Variants in RBFOX1 observed in about 807,000 individuals in gnomAD.
The protein encoded by RBFOX1 is RNA binding protein fox-1 homolog 1.
Under a neutral mutation model 57.7 loss-of-function variants are expected in RBFOX1, and 8 were observed. That is an observed-to-expected ratio of 0.14 (90% CI 0.08 to 0.25). RBFOX1 has a LOEUF of 0.25. Among genes scored for constraint, RBFOX1 ranks in the 10% least tolerant of loss-of-function variants. The pLI, the probability that RBFOX1 is intolerant of heterozygous loss-of-function variation, is 1.00. For missense variants in RBFOX1, 611 were observed against 548.5 expected, an observed-to-expected ratio of 1.11 and a Z score of -1.14; for synonymous variants, 326 against 222.4, an observed-to-expected ratio of 1.47 and a Z score of -4.15.
intron 3 of RBFOX1, among the ~76,000 whole-genome samples, chr16:6,870,272 C>A (rs75709994): frequency 6.6e-6 from 1 of 151,992 alleles, no homozygotes; most frequent in Non-Finnish European, 1.5e-5. Context: ...TCCCTTTGGT[C>A]GCTTGAAAAA....
chr16:7,329,971 C>G (rs2096663124), intron 4 of RBFOX1, among the ~76,000 whole-genome samples: 1 of 152,124 alleles, frequency 6.6e-6, no homozygotes, highest in Non-Finnish European at 1.5e-5. Flanking sequence ...TGGGTATGTT[C>G]TGAGAAACTG....
intron 4 of RBFOX1, among the ~76,000 whole-genome samples, chr16:7,501,448 C>T (rs1301778989): frequency 2.6e-5 from 4 of 152,200 alleles, no homozygotes; most frequent in African/African-American, 9.6e-5. Flanking sequence ...TCACTCTGTG[C>T]TTGCCATTCC....
intron 2 of RBFOX1, among the ~76,000 whole-genome samples, chr16:5,503,449 T>A (rs997188428): frequency 1.2e-4 from 18 of 152,252 alleles, no homozygotes; most frequent in Non-Finnish European, 2.1e-4. Flanking sequence ...TTTGTTTTTG[T>A]TTTTTGAGAC....
At chr16:5,713,485 C>G (rs1044135799) in intron 3 of RBFOX1, among the ~76,000 whole-genome samples, 17 of 152,104 alleles carry the variant, frequency 1.1e-4, no homozygotes, top group Non-Finnish European at 2.2e-4. Flanking sequence ...GCTTTGATCC[C>G]CAAATATCTC....
intron 3 of RBFOX1, among the ~76,000 whole-genome samples, chr16:6,860,113 T>C (rs898702120): frequency 6.6e-6 from 1 of 152,204 alleles, no homozygotes; most frequent in African/African-American, 2.4e-5. Context: ...TTCCAATGAA[T>C]AGCTGTGCGC....
At chr16:7,330,972 G>C (rs1217354500) in intron 4 of RBFOX1, among the ~76,000 whole-genome samples, 1 of 152,184 alleles carries the variant, frequency 6.6e-6, no homozygotes, top group Non-Finnish European at 1.5e-5. Context: ...TGTTGAGTAA[G>C]AGGGGTCAGT....
rs771211592 is a variant in RBFOX1 at position 6,201,638 on chromosome 16, G to A, written c.-126-115357G>A. 6.5e-4 allele frequency among the ~76,000 whole-genome samples: 99 copies of A among 152,050 alleles called. 1 individual carries two copies. The highest frequency in any genetic ancestry group is 3.9e-3 in the Admixed American group (60 of 15,252). Reference sequence around the variant, plus strand: ...GGTGAGTATAGTTAACTATATTTTAGTGTATTTTCTAAAATAACTAAAAGA... The same window carrying A: ...GGTGAGTATAGTTAACTATATTTTAATGTATTTTCTAAAATAACTAAAAGA... On this transcript the variant is annotated intron_variant, in intron 1 of 15. Coordinates refer to ENST00000550418, the MANE Select transcript of RBFOX1 (RefSeq NM_018723.4).
At chr16:6,543,623 C>G (rs1357443350) in intron 2 of RBFOX1, among the ~76,000 whole-genome samples, 1 of 152,146 alleles carries the variant, frequency 6.6e-6, no homozygotes, top group Non-Finnish European at 1.5e-5. Flanking sequence ...CTTAGATGCC[C>G]TCCCGGTCTG....
intron 2 of RBFOX1, among the ~76,000 whole-genome samples, chr16:6,628,839 A>G (rs1157925839): frequency 6.6e-6 from 1 of 151,814 alleles, no homozygotes; most frequent in Non-Finnish European, 1.5e-5. Context: ...TCACAGCCTG[A>G]CCAGTATGGT....
At chr16:6,261,760 C>G (rs986260441) in intron 1 of RBFOX1, among the ~76,000 whole-genome samples, 1 of 152,106 alleles carries the variant, frequency 6.6e-6, no homozygotes, top group Non-Finnish European at 1.5e-5. Flanking sequence ...CTTTGGGAGG[C>G]TGAGGCAGGT....
intron 1 of RBFOX1, among the ~76,000 whole-genome samples, chr16:6,090,836 G>C (rs2096161050): frequency 6.6e-6 from 1 of 152,138 alleles, no homozygotes; most frequent in African/African-American, 2.4e-5. Context: ...GGAGGGGTGA[G>C]AGCAGAGGGG....
chr16:5,622,517 T>G (rs2048228608), intron 3 of RBFOX1, among the ~76,000 whole-genome samples: 2 of 152,234 alleles, frequency 1.3e-5, no homozygotes, highest in Admixed American at 6.5e-5. Flanking sequence ...GCCTGTGGAA[T>G]TTTTAGAAGT....
At chr16:5,253,296 C>T (rs1040158196) in intron 1 of RBFOX1, among the ~76,000 whole-genome samples, 2 of 152,102 alleles carry the variant, frequency 1.3e-5, no homozygotes, top group African/African-American at 4.8e-5. Flanking sequence ...ACTAGAGGCA[C>T]CCACAACCAC....
chr16:7,078,840 G>C (rs779288161), intron 4 of RBFOX1, among the ~76,000 whole-genome samples: 1 of 127,086 alleles, frequency 7.9e-6, no homozygotes, highest in South Asian at 2.9e-4. Context: ...GTGCCACCAC[G>C]CCCAGCTAAT....
intron 3 of RBFOX1, among the ~76,000 whole-genome samples, chr16:7,019,883 G>C (rs77450933): frequency 6.2e-4 from 95 of 152,152 alleles, no homozygotes; most frequent in Non-Finnish European, 1.3e-3. Flanking sequence ...ACATTTTTGC[G>C]TGTGTTCCAA....
intron 2 of RBFOX1, among the ~76,000 whole-genome samples, chr16:5,550,181 G>A (rs370541380): frequency 6.0e-4 from 91 of 152,316 alleles, no homozygotes; most frequent in African/African-American, 2.0e-3. Flanking sequence ...TGCGAGAGGG[G>A]CTGTGTGGAG....
At chr16:5,773,417 T>A (rs949644716) in intron 3 of RBFOX1, among the ~76,000 whole-genome samples, 3 of 152,204 alleles carry the variant, frequency 2.0e-5, no homozygotes, top group Admixed American at 2.0e-4. Flanking sequence ...GATCATAGTA[T>A]GCATATTGCT....
intron 2 of RBFOX1, among the ~76,000 whole-genome samples, chr16:6,641,793 A>G (rs766898770): frequency 7.6e-4 from 109 of 142,828 alleles, no homozygotes; most frequent in Non-Finnish European, 1.3e-3. Flanking sequence ...TTCTGCCCTG[A>G]GCCTTTCAGG....
chr16:7,598,823 A>T (rs2094851711), intron 9 of RBFOX1, among the ~76,000 whole-genome samples: 1 of 152,242 alleles, frequency 6.6e-6, no homozygotes, highest in African/African-American at 2.4e-5. Context: ...GTAATATTAC[A>T]CAAAACAGAT....
Sources: gnomAD v4.1 joint callset for allele counts (sites outside exome capture counted in the v4.1 genomes callset) on GRCh38, gnomAD v4.1.1 for gene constraint, MANE v1.5 for transcripts, NCBI Gene and HGNC (gene_info 2026-07-23, HGNC 2026-07-21) for gene names.